PARP8: variants seen among roughly 807,000 people sequenced by gnomAD.
PARP8 encodes poly(ADP-ribose) polymerase family member 8.
A neutral mutation model predicts 124.1 loss-of-function variants in PARP8; 51 were observed. The observed-to-expected ratio is 0.41, with a 90% CI of 0.33 to 0.52. PARP8 has a LOEUF of 0.52. Among genes scored for constraint, PARP8 ranks in the 20% least tolerant of loss-of-function variants. The pLI is 0.21. For missense variants in PARP8, 860 were observed against 1,018.9 expected (o/e 0.84, Z 2.12); for synonymous variants, 391 against 361.5 (o/e 1.08, Z -0.93).
In PARP8 at chr5:50,739,336, T is replaced by C. The variant is rs1407012134; in HGVS notation, c.147-10815T>C. Reference sequence around the variant, plus strand: ...GTGGAATGGATATTGAGGAGGCCTTTGGATGTCCATTACAGATTTATTCTG... The same window carrying C: ...GTGGAATGGATATTGAGGAGGCCTTCGGATGTCCATTACAGATTTATTCTG... On this transcript the variant is annotated intron_variant, in intron 2 of 25. Coordinates refer to ENST00000281631, the MANE Select transcript of PARP8 (RefSeq NM_024615.4). 6.6e-5 allele frequency among the ~76,000 whole-genome samples: 10 copies of C among 151,876 alleles called. No homozygotes were observed. The South Asian group carries it at 1.5e-3, about 22-fold the overall frequency.
At chr5:50,725,422 C>T (rs1756329731) in intron 2 of PARP8, among the ~76,000 whole-genome samples, 1 of 151,980 alleles carries the variant, frequency 6.6e-6, no homozygotes, top group Non-Finnish European at 1.5e-5. Context: ...ATGAATTATT[C>T]ATCTGTACTT....
chr5:50,721,560 A>T (rs1755888189), intron 2 of PARP8, among the ~76,000 whole-genome samples: 1 of 152,088 alleles, frequency 6.6e-6, no homozygotes, highest in African/African-American at 2.4e-5. Flanking sequence ...GTGACTTACT[A>T]AATAACCGAT....
chr5:50,681,707 G>C (rs1222030592), intron 2 of PARP8, among the ~76,000 whole-genome samples: 1 of 152,146 alleles, frequency 6.6e-6, no homozygotes, highest in Non-Finnish European at 1.5e-5. Context: ...TCTTTAAGCT[G>C]TGAGTTGAAG....
intron 2 of PARP8, among the ~76,000 whole-genome samples, chr5:50,689,780 C>T (rs1200539092): frequency 6.6e-6 from 1 of 152,148 alleles, no homozygotes; most frequent in East Asian, 1.9e-4. Flanking sequence ...AGAAGGGTCT[C>T]TTGGAATCCA....
rs1271918923 is a variant in PARP8 at position 50,834,018 on chromosome 5, C to G, written c.2347C>G (p.Arg783Gly). ...ACAGCAATCCCAATTCCTGCAAAGC[C>G]GTAACTTAAAATGCATAGCCTTATG... is the stretch of plus-strand genomic sequence containing the variant. ...KGQQSQFLQS[R>G]NLKCIALCEV... The change falls in exon 24 of 26, where the codon CGT becomes GGT. Residue 783 changes from arginine to glycine, a missense_variant. Physicochemically the swap from Arg to Gly is moderately radical, Grantham distance 125. Around this residue, in one of 2 missense-constraint regions of PARP8, gnomAD observed 343 missense variants for 474.7 expected, o/e 0.72. Coordinates refer to ENST00000281631, the MANE Select transcript of PARP8 (RefSeq NM_024615.4). 3.1e-6 allele frequency: 5 copies of G among 1,612,148 alleles called. No homozygotes were observed. Among genetic ancestry groups the G allele is most frequent in the Non-Finnish European group, 4.2e-6 (5 of 1,178,886 alleles).
chr5:50,777,165 C>CTGGG (rs1740126770), intron 7 of PARP8, among the ~76,000 whole-genome samples: 1 of 152,138 alleles, frequency 6.6e-6, no homozygotes, highest in Non-Finnish European at 1.5e-5. Context: ...ACTTTGTACT[C>CTGGG]TGGGCCTCAA....
rs953908070 is a variant in PARP8 at position 50,844,825 on chromosome 5, AAATG to A, written c.*2760_*2763del. 6.6e-6 allele frequency: 1 copy of A among 151,742 alleles called. No individual in the cohort carries two copies. Among genetic ancestry groups the A allele is most frequent in the African/African-American group, 2.4e-5 (1 of 41,408 alleles). The allele number at this position is 151,742 out of a possible 1,614,324, so 9.4% of individuals were successfully genotyped here. ...CTTTCACTGTATTAAAAGGAGAAGA[AAATG>A]AACATTTGAGAATGGAAAAAAGTAA... On this transcript the variant is annotated 3_prime_UTR_variant, in exon 26 of 26. Coordinates refer to ENST00000281631, the MANE Select transcript of PARP8 (RefSeq NM_024615.4).
chr5:50,759,633 T>TTC lies in PARP8; in HGVS notation c.185-9_185-8insCT. The TTC allele has an allele frequency of 6.6e-7, 1 of 1,510,072 alleles. No homozygotes were observed. Among genetic ancestry groups the TTC allele is most frequent in the South Asian group, 1.4e-5 (1 of 72,352 alleles). The allele number at this position is 1,510,072 out of a possible 1,614,324, so 93.5% of individuals were successfully genotyped here. A position where few individuals can be genotyped will look rare whatever the true frequency, so the allele number is the denominator to read the frequency against. On this transcript the variant is annotated splice_polypyrimidine_tract_variant and intron_variant, in intron 3 of 25. Transcript: ENST00000281631. ...ATGCCTTTCATTATCTTTTTTTTTT[T>TTC]TTTTTGCAGATAATACATATGTGTC... is the stretch of plus-strand genomic sequence containing the variant.
intron 14 of PARP8, among the ~76,000 whole-genome samples, chr5:50,800,127 A>G (rs1204290631): frequency 6.6e-6 from 1 of 152,146 alleles, no homozygotes; most frequent in African/African-American, 2.4e-5. Flanking sequence ...GCTATTTTGT[A>G]GTTTTCAGCA....
intron 9 of PARP8, among the ~76,000 whole-genome samples, chr5:50,784,016 T>C (rs565208397): frequency 7.2e-5 from 11 of 152,328 alleles, no homozygotes; most frequent in African/African-American, 1.9e-4. Context: ...ATGAAAACTT[T>C]TTGAAATAAC....
At chr5:50,783,168 G>A (rs578116425) in intron 9 of PARP8, among the ~76,000 whole-genome samples, 27 of 152,028 alleles carry the variant, frequency 1.8e-4, no homozygotes, top group Admixed American at 3.3e-4. Context: ...TAAGGGAATA[G>A]GAGGGAAAAG....
intron 2 of PARP8, among the ~76,000 whole-genome samples, chr5:50,704,114 C>A (rs1182984688): frequency 6.6e-6 from 1 of 151,996 alleles, no homozygotes; most frequent in East Asian, 1.9e-4. Flanking sequence ...AATTGTCCAG[C>A]TTGTGCACTA....
intron 3 of PARP8, among the ~76,000 whole-genome samples, chr5:50,756,262 T>C (rs1759941149): frequency 6.6e-6 from 1 of 152,106 alleles, no homozygotes; most frequent in Admixed American, 6.5e-5. Context: ...CTTGTGCCAG[T>C]TTTCAAAGGG....
Position 50,667,042 on chromosome 5 carries a change from G to T in PARP8, c.-54G>T. 5 of 1,595,384 alleles carry T rather than the reference G, an allele frequency of 3.1e-6. No homozygotes were observed. Among genetic ancestry groups the T allele is most frequent in the Non-Finnish European group, 4.2e-6 (5 of 1,179,152 alleles). ...ATTTACGAAAGCTGGAAGCGTGCGA[G>T]GGGGGTGGGGTGGGGTGGAAATAGC... On this transcript the variant is annotated 5_prime_UTR_variant, in exon 1 of 26. It adds an upstream start codon to the 5' untranslated region. Coordinates refer to ENST00000281631, the MANE Select transcript of PARP8 (RefSeq NM_024615.4).
chr5:50,754,108 A>T (rs1759558844), intron 3 of PARP8, among the ~76,000 whole-genome samples: 2 of 72,674 alleles, frequency 2.8e-5, no homozygotes, highest in Non-Finnish European at 5.0e-5. Context: ...TTTGAGTTTG[A>T]AAACATTCAT....
At chr5:50,774,032 T>C (rs1051082572) in intron 7 of PARP8, among the ~76,000 whole-genome samples, 1 of 152,080 alleles carries the variant, frequency 6.6e-6, no homozygotes, top group African/African-American at 2.4e-5. Flanking sequence ...TAGGGAGTGG[T>C]GATGACTCTT....
intron 3 of PARP8, among the ~76,000 whole-genome samples, chr5:50,756,840 C>T (rs1339868453): frequency 6.6e-6 from 1 of 152,066 alleles, no homozygotes; most frequent in Non-Finnish European, 1.5e-5. Flanking sequence ...GTCCCCCAGC[C>T]CCTGGCCACC....
intron 11 of PARP8, 110 bp from the exon 12 acceptor site, chr5:50,794,743 T>C (rs1360507246): frequency 5.2e-6 from 5 of 963,580 alleles, no homozygotes; most frequent in Admixed American, 2.6e-5. Context: ...TATATTAAAA[T>C]GAGGTGGTAG....
In PARP8 at chr5:50,750,278, A is replaced by G. The variant is rs982017179; in HGVS notation, c.184+90A>G. 1.8e-5 allele frequency: 20 copies of G among 1,093,588 alleles called. No homozygotes were observed. The African/African-American group carries it at 3.0e-4, about 16-fold the overall frequency. The allele number at this position is 1,093,588 out of a possible 1,614,324, so 67.7% of individuals were successfully genotyped here. ...GGAGATGTAAAACGCATATAAATAT[A>G]TTGAGGGGTGAAACACTGGTAGAGG... On this transcript the variant is annotated intron_variant, in intron 3 of 25. Transcript: ENST00000281631.
Sources: allele counts gnomAD v4.1 joint callset (sites outside exome capture counted in the v4.1 genomes callset), GRCh38; gene constraint gnomAD v4.1.1; regional missense constraint gnomAD v4.1.1; transcripts MANE v1.5; gene names NCBI Gene and HGNC (gene_info 2026-07-23, HGNC 2026-07-21).